FBN1: variants seen among roughly 807,000 people sequenced by gnomAD.
The protein encoded by FBN1 is fibrillin 1, also known as fibrillin-1.
In FBN1, 29 loss-of-function variants were observed where a neutral mutation model predicts 365.1. That is an observed-to-expected ratio of 0.08 (90% CI 0.06 to 0.11). FBN1 has a LOEUF of 0.11. FBN1 is among the 10% of genes least tolerant of loss of function. The pLI, the probability that FBN1 is intolerant of heterozygous loss-of-function variation, is 1.00. For missense variants in FBN1, 2,476 were observed against 3,703.2 expected, an observed-to-expected ratio of 0.67 and a Z score of 8.60; for synonymous variants, 1,210 against 1,270.5, an observed-to-expected ratio of 0.95 and a Z score of 1.01.
At chr15:48,584,944 T>C (rs753510152) in intron 6 of FBN1, among the ~76,000 whole-genome samples, 1 of 152,236 alleles carries the variant, frequency 6.6e-6, no homozygotes, top group Non-Finnish European at 1.5e-5. Context: ...AATGATTATA[T>C]AAAGAATGAG....
intron 4 of FBN1, among the ~76,000 whole-genome samples, chr15:48,606,091 G>T (rs2044606129): frequency 6.6e-6 from 1 of 152,156 alleles, no homozygotes. Flanking sequence ...TGGTAAGGAT[G>T]CAGAGAAACT....
chr15:48,568,438 TG>T (rs2044278158), intron 6 of FBN1, among the ~76,000 whole-genome samples: 2 of 152,136 alleles, frequency 1.3e-5, no homozygotes, highest in Non-Finnish European at 2.9e-5. Flanking sequence ...CTTCACAAAT[TG>T]ACCTGTAGAT....
intron 32 of FBN1, among the ~76,000 whole-genome samples, chr15:48,478,942 G>A (rs2043446163): frequency 6.6e-6 from 1 of 152,160 alleles, no homozygotes; most frequent in Non-Finnish European, 1.5e-5. Context: ...CTTTTTCTTA[G>A]TTCTCATGAA....
chr15:48,551,320 G>T (rs961937425), intron 6 of FBN1, among the ~76,000 whole-genome samples: 1 of 152,002 alleles, frequency 6.6e-6, no homozygotes, highest in African/African-American at 2.4e-5. Flanking sequence ...AACAAATGAC[G>T]TCAATGACCC....
Position 48,445,502 on chromosome 15 carries a change from C to T in FBN1, c.5791G>A (p.Val1931Ile), listed in dbSNP as rs1555395768. 2 of 1,612,276 alleles carry T rather than the reference C, an allele frequency of 1.2e-6. No homozygotes were observed. The highest frequency in any genetic ancestry group is 1.7e-6 in the Non-Finnish European group (2 of 1,178,738). ...CCATTTCCACTTGCACATTCATCAA[C>T]ATCTGCAGAAAAATCCCCAACAATC... ...ILSHNNDCID[V>I]DECASGNGNL... Residue 1931 changes from valine (V) to isoleucine (I), a missense_variant and splice_region_variant, in exon 48 of 66, where the codon GTT becomes ATT. This residue lies in a region of FBN1 where 1,780 missense variants were observed against 2,840.8 expected (regional missense o/e 0.63). Coordinates refer to ENST00000316623, the MANE Select transcript of FBN1 (RefSeq NM_000138.5).
chr15:48,593,408 T>G (rs1166909138), intron 6 of FBN1, among the ~76,000 whole-genome samples: 1 of 152,200 alleles, frequency 6.6e-6, no homozygotes, highest in African/African-American at 2.4e-5. Flanking sequence ...TGCCACTTAG[T>G]TTTGATCAAA....
chr15:48,451,937 C>T (rs2043204635), intron 45 of FBN1, among the ~76,000 whole-genome samples: 1 of 152,128 alleles, frequency 6.6e-6, no homozygotes, highest in Non-Finnish European at 1.5e-5. Flanking sequence ...CTATCACATC[C>T]CTGACAAAAG....
intron 6 of FBN1, among the ~76,000 whole-genome samples, chr15:48,558,137 T>C (rs192921367): frequency 6.6e-6 from 1 of 152,238 alleles, no homozygotes; most frequent in Non-Finnish European, 1.5e-5. Context: ...CCTTGTTCCA[T>C]ATAAACTGTT....
intron 37 of FBN1, 150 bp downstream of exon 37, chr15:48,468,262 T>G: frequency 1.5e-6 from 2 of 1,327,558 alleles, no homozygotes; most frequent in Non-Finnish European, 2.1e-6. Flanking sequence ...ATTTTCCCTA[T>G]GGAAAAGATA....
intron 2 of FBN1, among the ~76,000 whole-genome samples, chr15:48,634,172 G>A (rs987603737): frequency 2.0e-5 from 3 of 152,172 alleles, no homozygotes; most frequent in Admixed American, 2.0e-4. Flanking sequence ...AGCACTGAAT[G>A]AACAGGGGAA....
intron 32 of FBN1, among the ~76,000 whole-genome samples, chr15:48,480,056 A>C (rs2043454951): frequency 6.6e-6 from 1 of 152,202 alleles, no homozygotes; most frequent in African/African-American, 2.4e-5. Flanking sequence ...TACATTAAAT[A>C]ACATGAAAAT....
At chr15:48,589,719 T>C (rs1311991674) in intron 6 of FBN1, among the ~76,000 whole-genome samples, 1 of 146,912 alleles carries the variant, frequency 6.8e-6, no homozygotes, top group African/African-American at 2.6e-5. Flanking sequence ...GTTCACGCCA[T>C]TCTCCCGCTT....
At chr15:48,518,634 T>C (rs780470665) in intron 10 of FBN1, among the ~76,000 whole-genome samples, 29 of 152,226 alleles carry the variant, frequency 1.9e-4, no homozygotes, top group Admixed American at 7.2e-4. Flanking sequence ...TTTTACAGAT[T>C]TAGTAATCTT....
chr15:48,451,496 C>A (rs1279529731), intron 45 of FBN1, among the ~76,000 whole-genome samples: 2 of 152,124 alleles, frequency 1.3e-5, no homozygotes, highest in Non-Finnish European at 2.9e-5. Flanking sequence ...GGCAATTACA[C>A]CCTCTTCCCA....
intron 6 of FBN1, among the ~76,000 whole-genome samples, chr15:48,543,612 A>G (rs1363221302): frequency 6.6e-6 from 1 of 152,200 alleles, no homozygotes; most frequent in Non-Finnish European, 1.5e-5. Flanking sequence ...ACAACCAGAA[A>G]ACTCAGAACA....
In FBN1 at chr15:48,425,379, C is replaced by T. The variant is rs2042970917; in HGVS notation, c.7443G>A (p.Arg2481=). Residue 2481 remains arginine, a synonymous_variant, in exon 60 of 66, where the codon AGG becomes AGA. Transcript: ENST00000316623. ...TCAATTCTACTTTACCTTTGCAGCT[C>T]CTTCCATCCTCTTGCAGAATGTAGC... ...PKGYILQEDG[R]SCKDLDECAT... The T allele has an allele frequency of 1.2e-6, 2 of 1,614,088 alleles. No homozygotes were observed. Among genetic ancestry groups the T allele is most frequent in the Admixed American group, 1.7e-5 (1 of 60,006 alleles).
chr15:48,515,858 C>T (rs1472206593), intron 11 of FBN1, among the ~76,000 whole-genome samples: 4 of 152,092 alleles, frequency 2.6e-5, no homozygotes, highest in African/African-American at 7.2e-5. Context: ...AGCTCTGTAA[C>T]CTAAAGTCTA....
intron 6 of FBN1, among the ~76,000 whole-genome samples, chr15:48,588,012 G>A (rs549772135): frequency 6.6e-6 from 1 of 152,180 alleles, no homozygotes; most frequent in East Asian, 1.9e-4. Context: ...AGCTGGAGAA[G>A]CAGCAGAAGG....
chr15:48,576,364 C>T (rs1381591706), intron 6 of FBN1, among the ~76,000 whole-genome samples: 3 of 152,128 alleles, frequency 2.0e-5, no homozygotes, highest in African/African-American at 4.8e-5. Context: ...TCCTTGACCT[C>T]TCAGCCTGAT....
Sources: gnomAD v4.1 joint callset for allele counts (sites outside exome capture counted in the v4.1 genomes callset) on GRCh38, gnomAD v4.1.1 for gene constraint, gnomAD v4.1.1 regional missense constraint, MANE v1.5 for transcripts, NCBI Gene and HGNC (gene_info 2026-07-23, HGNC 2026-07-21) for gene names.